Variants in AMBRA1 observed in about 807,000 individuals in gnomAD.
The protein encoded by AMBRA1 is activating molecule in BECN1-regulated autophagy protein 1.
A neutral mutation model predicts 125.4 loss-of-function variants in AMBRA1; 47 were observed. That is an observed-to-expected ratio of 0.37 (90% confidence interval 0.30 to 0.48). The LOEUF (loss-of-function observed/expected upper bound fraction) is 0.48. AMBRA1 is among the 20% of genes least tolerant of loss of function. The pLI, the probability that AMBRA1 is intolerant of heterozygous loss-of-function variation, is 0.99. For synonymous variants in AMBRA1, 626 were observed against 655.5 expected (o/e 0.95, Z 0.69); for missense variants, 1,331 against 1,693.4 (o/e 0.79, Z 3.76).
chr11:46,458,275 G>C (rs1174556655), intron 11 of AMBRA1, among the ~76,000 whole-genome samples: 1 of 152,146 alleles, frequency 6.6e-6, no homozygotes, highest in Non-Finnish European at 1.5e-5. Flanking sequence ...CTGCTAAAAG[G>C]ACGCACCTGG....
intron 7 of AMBRA1, among the ~76,000 whole-genome samples, chr11:46,534,221 G>A (rs1565262385): frequency 1.3e-5 from 2 of 150,846 alleles, no homozygotes; most frequent in South Asian, 2.1e-4. Flanking sequence ...AGCCAGGTGC[G>A]GTGGCTCAGG....
At chr11:46,499,370 T>C (rs1950748429) in intron 9 of AMBRA1, among the ~76,000 whole-genome samples, 1 of 152,228 alleles carries the variant, frequency 6.6e-6, no homozygotes, top group African/African-American at 2.4e-5. Context: ...TTTCTTTCTC[T>C]TCTTCTGCAT....
intron 5 of AMBRA1, among the ~76,000 whole-genome samples, chr11:46,544,467 G>C (rs990749236): frequency 7.2e-5 from 11 of 152,170 alleles, no homozygotes; most frequent in Non-Finnish European, 1.3e-4. Flanking sequence ...AAGTGACATA[G>C]CTGAAACCAG....
At chr11:46,527,626 A>G (rs777498593) in intron 7 of AMBRA1, among the ~76,000 whole-genome samples, 4 of 152,098 alleles carry the variant, frequency 2.6e-5, no homozygotes, top group East Asian at 3.8e-4. Context: ...TAACCATACT[A>G]AACAATGGGC....
At chr11:46,494,925 T>C (rs374899572) in intron 9 of AMBRA1, 2 of 152,244 alleles carry the variant, frequency 1.3e-5, no homozygotes, top group East Asian at 1.9e-4. Context: ...GTTATTGATA[T>C]GTTATCCCAT....
At chr11:46,435,806 T>C (rs139334786) in intron 12 of AMBRA1, among the ~76,000 whole-genome samples, 9 of 152,368 alleles carry the variant, frequency 5.9e-5, no homozygotes, top group African/African-American at 2.2e-4. Flanking sequence ...GGTGGAGGAA[T>C]GTCTGTTGGT....
chr11:46,540,771 G>A (rs1952696124), intron 7 of AMBRA1, among the ~76,000 whole-genome samples: 1 of 152,160 alleles, frequency 6.6e-6, no homozygotes, highest in Admixed American at 6.5e-5. Flanking sequence ...ATACAATGAA[G>A]CATTTGCTCA....
intron 9 of AMBRA1, among the ~76,000 whole-genome samples, chr11:46,497,827 C>G (rs147975599): frequency 8.5e-5 from 13 of 152,170 alleles, no homozygotes; most frequent in African/African-American, 2.6e-4. Flanking sequence ...GAAACAGTAA[C>G]TGATGACTCT....
intron 1 of AMBRA1, among the ~76,000 whole-genome samples, chr11:46,579,350 G>A (rs765282451): frequency 2.6e-5 from 4 of 151,954 alleles, no homozygotes; most frequent in Non-Finnish European, 4.4e-5. Flanking sequence ...CCAGCTACTC[G>A]GGAGGCTGAG....
intron 12 of AMBRA1, among the ~76,000 whole-genome samples, chr11:46,436,874 T>A (rs181514806): frequency 2.0e-5 from 3 of 152,160 alleles, no homozygotes. Context: ...AAAGAAATCA[T>A]AAATGTTAAG....
At chr11:46,526,024 G>A (rs1391596856) in intron 7 of AMBRA1, among the ~76,000 whole-genome samples, 2 of 151,852 alleles carry the variant, frequency 1.3e-5, no homozygotes, top group African/African-American at 4.8e-5. Flanking sequence ...TGACCAACAT[G>A]GAGAAACCCC....
chr11:46,445,043 T>C (rs1389900977), intron 11 of AMBRA1, among the ~76,000 whole-genome samples: 1 of 144,826 alleles, frequency 6.9e-6, no homozygotes, highest in Non-Finnish European at 1.5e-5. Flanking sequence ...GGGTAAAAAT[T>C]GGTTCAAAGG....
intron 1 of AMBRA1, among the ~76,000 whole-genome samples, chr11:46,561,591 C>T (rs565479991): frequency 1.1e-3 from 162 of 152,126 alleles, no homozygotes; most frequent in South Asian, 2.9e-3. Context: ...CAGATAGTAC[C>T]AGAGCTACAC....
intron 7 of AMBRA1, among the ~76,000 whole-genome samples, chr11:46,522,624 C>T (rs534396563): frequency 6.6e-6 from 1 of 152,268 alleles, no homozygotes; most frequent in East Asian, 1.9e-4. Flanking sequence ...GCAGTGTATC[C>T]TAATTCACTG....
rs778157077 is a variant in AMBRA1, at chr11:46,547,216, A to G, written c.275T>C (p.Ile92Thr). 1 of 1,614,112 alleles carries G rather than the reference A, an allele frequency of 6.2e-7. No homozygotes were observed. ...ACACCATGGAGTACGGCGGTGTCCA[A>G]TCAGGGAATGAACACACTTGCCAGT... ...VKTGKCVHSL[I>T]GHRRTPWCVT... is the part of the protein sequence containing the mutation. The change falls in exon 4 of 18, where the codon ATT becomes ACT. Residue 92 changes from isoleucine to threonine, a missense_variant. By Grantham distance (89) the Ile-to-Thr change is moderately conservative. Transcript: ENST00000683756.
At chr11:46,486,161 G>T (rs1170081274) in intron 11 of AMBRA1, among the ~76,000 whole-genome samples, 1 of 152,072 alleles carries the variant, frequency 6.6e-6, no homozygotes, top group Non-Finnish European at 1.5e-5. Context: ...ATTTATCTGG[G>T]GTTTATAAAC....
At chr11:46,492,954 CA>C (rs1177181095) in intron 11 of AMBRA1, among the ~76,000 whole-genome samples, 1 of 152,186 alleles carries the variant, frequency 6.6e-6, no homozygotes, top group African/African-American at 2.4e-5. Context: ...GAGGCTGAGG[CA>C]GGAGAATTGC....
At chr11:46,528,256 T>C (rs1952065413) in intron 7 of AMBRA1, among the ~76,000 whole-genome samples, 4 of 152,174 alleles carry the variant, frequency 2.6e-5, no homozygotes, top group Admixed American at 6.5e-5. Flanking sequence ...CGCTGCAACC[T>C]CCACCTCCAG....
chr11:46,450,334 T>C (rs1052416233), intron 11 of AMBRA1, among the ~76,000 whole-genome samples: 1 of 152,246 alleles, frequency 6.6e-6, no homozygotes, highest in African/African-American at 2.4e-5. Context: ...ATTCCAACTG[T>C]ATGAGATTCT....
Sources: gnomAD v4.1 joint callset for allele counts (sites outside exome capture counted in the v4.1 genomes callset) on GRCh38, gnomAD v4.1.1 for gene constraint, MANE v1.5 for transcripts, NCBI Gene and HGNC (gene_info 2026-07-23, HGNC 2026-07-21) for gene names.